NEDD9: variants seen among roughly 807,000 people sequenced by gnomAD.
NEDD9 encodes enhancer of filamentation 1.
A neutral mutation model predicts 76.6 loss-of-function variants in NEDD9; 26 were observed. That is an observed-to-expected ratio of 0.34 (90% CI 0.25 to 0.47). NEDD9 has a LOEUF of 0.47. Among genes scored for constraint, NEDD9 ranks in the 20% least tolerant of loss-of-function variants. NEDD9 has a pLI of 1.00. For missense variants in NEDD9, 937 were observed against 1,058.5 expected, an observed-to-expected ratio of 0.89 and a Z score of 1.59; for synonymous variants, 392 against 414.2, an observed-to-expected ratio of 0.95 and a Z score of 0.65.
intron 1 of NEDD9, among the ~76,000 whole-genome samples, chr6:11,364,384 T>C (rs968766179): frequency 3.9e-5 from 6 of 152,214 alleles, no homozygotes; most frequent in African/African-American, 1.4e-4. Flanking sequence ...TGTGGGCATG[T>C]CTCTATGATG....
At chr6:11,228,423 A>C (rs1967812) in intron 1 of NEDD9, among the ~76,000 whole-genome samples, 127,595 of 151,826 alleles carry the variant, frequency 0.84, 53,757 homozygotes, top group East Asian at 0.92. Flanking sequence ...CCAGCTACTC[A>C]GGAGGCCGAG....
intron 3 of NEDD9, among the ~76,000 whole-genome samples, chr6:11,256,753 C>T (rs926507755): frequency 3.3e-5 from 5 of 152,170 alleles, no homozygotes; most frequent in African/African-American, 1.2e-4. Context: ...TGTGAGCCAC[C>T]CTGCCCGGTC....
intron 3 of NEDD9, among the ~76,000 whole-genome samples, chr6:11,272,040 C>T (rs1438470173): frequency 2.0e-5 from 3 of 152,150 alleles, no homozygotes; most frequent in Non-Finnish European, 2.9e-5. Context: ...GTGGCCCCAC[C>T]ACAGAAGAGA....
Position 11,229,180 on chromosome 6 carries a change from C to G in NEDD9, c.12+3324G>C, listed in dbSNP as rs1199916857. Among the ~76,000 whole-genome samples, 3 of 152,228 alleles carry G rather than the reference C, an allele frequency of 2.0e-5. No homozygotes were observed. In the East Asian group the frequency reaches 5.8e-4, roughly 29 times the overall value. On this transcript the variant is annotated intron_variant, in intron 1 of 6. Transcript: ENST00000379446. Reference sequence around the variant, plus strand: ...ACTCTGACTTTCAGAATGCACCTTTCTTAATGGCATTGTAAGTTCCGTCTG... The same window carrying G: ...ACTCTGACTTTCAGAATGCACCTTTGTTAATGGCATTGTAAGTTCCGTCTG...
rs775108526 is a variant in NEDD9 at position 11,185,318 on chromosome 6, G to T, written c.2349C>A (p.Leu783=). ...TGACTATGGTCTTGAGCTGCTCGCAGAGCTGGTTGCTGGAGTTCATGACTT... is the reference window on the plus strand; with the variant it reads ...TGACTATGGTCTTGAGCTGCTCGCATAGCTGGTTGCTGGAGTTCATGACTT... ...RNKVMNSSNQ[L]CEQLKTIVMA... is the part of the protein sequence containing the mutation. Residue 783 remains leucine, a synonymous_variant, in exon 7 of 7, where the codon CTC becomes CTA. Coordinates refer to ENST00000379446, the MANE Select transcript of NEDD9 (RefSeq NM_006403.4). 9.3e-6 allele frequency: 15 copies of T among 1,614,070 alleles called. No individual in the cohort carries two copies. The highest frequency in any genetic ancestry group is 1.2e-5 in the Non-Finnish European group (14 of 1,180,038).
At position 11,193,660 on chromosome 6, in the gene NEDD9, G is replaced by A. The variant is rs779943325; in HGVS notation, c.492C>T (p.Tyr164=). Reference sequence around the variant, plus strand: ...GGTATCTGGATGGGTACTCGTATACGTAGCCATGGCCTGTCCTCACGGGGG... The same window carrying A: ...GGTATCTGGATGGGTACTCGTATACATAGCCATGGCCTGTCCTCACGGGGG... ...VITPVRTGHG[Y]VYEYPSRYQK... Residue 164 remains tyrosine, a synonymous_variant, in exon 3 of 7, where the codon TAC becomes TAT. Transcript: ENST00000379446. 23 of 1,613,832 alleles carry A rather than the reference G, an allele frequency of 1.4e-5. No homozygotes were observed. In the African/African-American group the frequency reaches 2.3e-4, roughly 16 times the overall value.
intron 2 of NEDD9, among the ~76,000 whole-genome samples, chr6:11,322,473 G>A (rs868343455): frequency 2.0e-5 from 3 of 152,174 alleles, no homozygotes; most frequent in Non-Finnish European, 2.9e-5. Context: ...GGGGCATCTC[G>A]TGGGTGTGGA....
At chr6:11,217,249 T>A (rs1051032574) in intron 1 of NEDD9, among the ~76,000 whole-genome samples, 2 of 152,204 alleles carry the variant, frequency 1.3e-5, no homozygotes, top group African/African-American at 4.8e-5. Context: ...AAATCAAGAA[T>A]GAATTCTTCT....
intron 3 of NEDD9, among the ~76,000 whole-genome samples, chr6:11,302,219 CA>C (rs1427428886): frequency 6.6e-6 from 1 of 152,154 alleles, no homozygotes; most frequent in Non-Finnish European, 1.5e-5. Context: ...AAACTACCAT[CA>C]GAGAATACTA....
At chr6:11,186,389 C>A (rs539559375) in intron 6 of NEDD9, among the ~76,000 whole-genome samples, 1 of 152,232 alleles carries the variant, frequency 6.6e-6, no homozygotes, top group East Asian at 1.9e-4. Flanking sequence ...GGCTTTCTTC[C>A]TTCTTTCCTC....
chr6:11,338,640 T>G (rs897951487), intron 1 of NEDD9, among the ~76,000 whole-genome samples: 2 of 152,142 alleles, frequency 1.3e-5, no homozygotes, highest in Non-Finnish European at 2.9e-5. Flanking sequence ...AAAATTAAAT[T>G]AGGCTGAGCG....
intron 1 of NEDD9, among the ~76,000 whole-genome samples, chr6:11,214,764 C>T (rs114320733): frequency 0.02 from 3,105 of 152,240 alleles, 88 homozygotes; most frequent in African/African-American, 0.066. Context: ...AAGTCGGGGA[C>T]GTTGTTGATT....
intron 1 of NEDD9, among the ~76,000 whole-genome samples, chr6:11,345,289 C>T (rs1305371359): frequency 1.3e-5 from 2 of 152,046 alleles, no homozygotes; most frequent in Non-Finnish European, 2.9e-5. Context: ...AAATCTAAGC[C>T]AAGAAAACTG....
intron 1 of NEDD9, among the ~76,000 whole-genome samples, chr6:11,369,119 A>G (rs557996978): frequency 6.6e-6 from 1 of 152,282 alleles, no homozygotes; most frequent in Admixed American, 6.5e-5. Context: ...TTCTCTCTTA[A>G]GCACTCCAAC....
At chr6:11,245,192 T>C (rs533996631) in intron 3 of NEDD9, among the ~76,000 whole-genome samples, 2 of 152,164 alleles carry the variant, frequency 1.3e-5, no homozygotes, top group Non-Finnish European at 2.9e-5. Flanking sequence ...AAGGAGCATT[T>C]TCTGTGGCTG....
At chr6:11,295,027 C>A (rs1184114343) in intron 3 of NEDD9, among the ~76,000 whole-genome samples, 3 of 152,202 alleles carry the variant, frequency 2.0e-5, no homozygotes, top group African/African-American at 7.2e-5. Context: ...GAAAGACGTG[C>A]CTTTGCTCCT....
rs146839387 is a variant in NEDD9, at chr6:11,185,565, C to A, written c.2102G>T (p.Ser701Ile). 6.2e-7 allele frequency: 1 copy of A among 1,614,230 alleles called. No individual in the cohort carries two copies. Among genetic ancestry groups the A allele is most frequent in the Admixed American group, 1.7e-5 (1 of 60,028 alleles). The change falls in exon 7 of 7, where the codon AGT becomes ATT. Residue 701 changes from serine (S) to isoleucine (I), a missense_variant. By Grantham distance (142) the Ser-to-Ile change is moderately radical. Coordinates refer to ENST00000379446, the MANE Select transcript of NEDD9 (RefSeq NM_006403.4). The part of the protein sequence containing the change: ...QSLPTTNSGV[S>I]AQDRQLLCFY... ...GCACAGCAACTGCCGATCCTGAGCACTCACGCCACTGTTTGTGGTGGGTAG... is the reference window on the plus strand; with the variant it reads ...GCACAGCAACTGCCGATCCTGAGCAATCACGCCACTGTTTGTGGTGGGTAG...
chr6:11,272,523 A>G (rs1760330002), intron 3 of NEDD9, among the ~76,000 whole-genome samples: 1 of 152,214 alleles, frequency 6.6e-6, no homozygotes, highest in South Asian at 2.1e-4. Context: ...TGAGCAAAAG[A>G]AGGGGCAAAA....
upstream of NEDD9, among the ~76,000 whole-genome samples, chr6:11,234,235 C>G (rs145242056): frequency 6.6e-6 from 1 of 152,182 alleles, no homozygotes; most frequent in African/African-American, 2.4e-5. Context: ...TGCATTGTAA[C>G]GATCTCCTTA....
Sources: gnomAD v4.1 joint callset for allele counts (sites outside exome capture counted in the v4.1 genomes callset) on GRCh38, gnomAD v4.1.1 for gene constraint, MANE v1.5 for transcripts, NCBI Gene and HGNC (gene_info 2026-07-23, HGNC 2026-07-21) for gene names.